Variants in PZP observed in about 807,000 individuals in gnomAD.
PZP encodes the protein PZP alpha-2-macroglobulin like, also known as pregnancy zone protein.
In PZP, 150 loss-of-function variants were observed where a neutral mutation model predicts 179.8. The observed-to-expected ratio is 0.83, with a 90% CI of 0.73 to 0.96. PZP has a LOEUF of 0.96. PZP is among the 40% of genes least tolerant of loss of function. The probability of loss-of-function intolerance (pLI) is 0.00; values close to 1 mark genes in which losing one functional copy is unlikely to be tolerated. For synonymous variants in PZP, 624 were observed against 652.3 expected, an observed-to-expected ratio of 0.96 and a Z score of 0.66; for missense variants, 1,689 against 1,764.0, an observed-to-expected ratio of 0.96 and a Z score of 0.76.
chr12:9,169,188 A>G (rs1040683679), intron 16 of PZP, among the ~76,000 whole-genome samples: 4 of 151,790 alleles, frequency 2.6e-5, no homozygotes, highest in Non-Finnish European at 4.4e-5. Flanking sequence ...AAATAAAAAA[A>G]CCTAAATATA....
At chr12:9,194,655 G>T (rs1314860149) in intron 10 of PZP, among the ~76,000 whole-genome samples, 1 of 151,838 alleles carries the variant, frequency 6.6e-6, no homozygotes, top group Non-Finnish European at 1.5e-5. Context: ...TAGTAGAGAC[G>T]GGGTTTCACC....
chr12:9,152,967 G>A lies in PZP; in HGVS notation c.3994-16C>T. The A allele has an allele frequency of 3.1e-6, 5 of 1,613,980 alleles. No homozygotes were observed. In the South Asian group the frequency reaches 5.5e-5, roughly 18 times the overall value. On this transcript the variant is annotated splice_polypyrimidine_tract_variant and intron_variant, in intron 30 of 35. Transcript: ENST00000261336. ...TCATGGATGTCTGTGAAACAGCAAA[G>A]ACACTATCAGTTTCTCTCTTTTTCT...
chr12:9,158,757 C>CTTTTTTTTTTTT (rs60888135), intron 25 of PZP, among the ~76,000 whole-genome samples, 181 bp from the exon 26 acceptor site: 1 of 125,434 alleles, frequency 8.0e-6, no homozygotes, highest in Admixed American at 8.7e-5. Flanking sequence ...CTTTTCTTTT[C>CTTTTTTTTTTTT]TTTTTTTTTT....
At chr12:9,163,609 A>C in intron 21 of PZP, 59 bp downstream of exon 21, 1 of 1,583,692 alleles carries the variant, frequency 6.3e-7, no homozygotes, top group Non-Finnish European at 8.6e-7. Flanking sequence ...TGTTGTCTCA[A>C]GAGTGACCGC....
At chr12:9,200,755 C>T (rs996952303) in intron 6 of PZP, 137 bp downstream of exon 6, 3 of 918,384 alleles carry the variant, frequency 3.3e-6, no homozygotes, top group African/African-American at 3.3e-5. Flanking sequence ...GTGTTCACAC[C>T]GTCCTAATGG....
At chr12:9,182,424 A>T (rs998778736) in intron 13 of PZP, among the ~76,000 whole-genome samples, 1 of 151,858 alleles carries the variant, frequency 6.6e-6, no homozygotes, top group African/African-American at 2.4e-5. Context: ...TTCTGCATAT[A>T]TATGTGACAA....
chr12:9,175,642 C>A (rs1315451797), intron 15 of PZP, among the ~76,000 whole-genome samples: 1 of 152,010 alleles, frequency 6.6e-6, no homozygotes, highest in Non-Finnish European at 1.5e-5. Flanking sequence ...AAAAAGTGGG[C>A]AAAGGACATG....
At chr12:9,158,692 T>A in intron 25 of PZP, 116 bp from the exon 26 acceptor site, 1 of 975,880 alleles carries the variant, frequency 1.0e-6, no homozygotes, top group Non-Finnish European at 1.4e-6. Context: ...AATCAGCTGT[T>A]ACTGAGAGTT....
chr12:9,164,410 T>C (rs1941439570), intron 19 of PZP, 151 bp from the exon 20 acceptor site: 2 of 835,760 alleles, frequency 2.4e-6, no homozygotes, highest in African/African-American at 1.7e-5. Context: ...TTAAGAAGCA[T>C]GGCAATGGCA....
At chr12:9,137,105 G>T in the PZP span, among the ~76,000 whole-genome samples, 14 of 152,080 alleles carry the variant, frequency 9.2e-5, no homozygotes, top group Admixed American at 8.5e-4. Context: ...TCATTGCCAA[G>T]ACCAAGATCA....
At chr12:9,171,703 A>G (rs1331584277) in intron 15 of PZP, among the ~76,000 whole-genome samples, 4 of 152,254 alleles carry the variant, frequency 2.6e-5, no homozygotes, top group African/African-American at 9.6e-5. Flanking sequence ...AATCACAAGT[A>G]TCAGTAGCAG....
chr12:9,202,047 T>C lies in PZP; in HGVS notation c.480+272A>G, dbSNP rs182877097. Among the ~76,000 whole-genome samples, 7 of 152,326 alleles carry C rather than the reference T, an allele frequency of 4.6e-5. No individual in the cohort carries two copies. In the East Asian group the frequency reaches 1.3e-3, roughly 29 times the overall value. ...ATGAATAGGAATAGTGCCTTTTTTCTATGCTTCTTTAATATTCTTAATGCA... is the reference window on the plus strand; with the variant it reads ...ATGAATAGGAATAGTGCCTTTTTTCCATGCTTCTTTAATATTCTTAATGCA... On this transcript the variant is annotated intron_variant, in intron 4 of 35. Coordinates refer to ENST00000261336, the MANE Select transcript of PZP (RefSeq NM_002864.3).
intron 5 of PZP, 61 bp downstream of exon 5, chr12:9,201,266 C>A: frequency 7.0e-7 from 1 of 1,418,950 alleles, no homozygotes; most frequent in Admixed American, 1.9e-5. Flanking sequence ...AGAGTATTAT[C>A]AGAACCTCCT....
intron 24 of PZP, 100 bp from the exon 25 acceptor site, chr12:9,160,125 CCTT>C (rs1418554312): frequency 2.4e-6 from 3 of 1,241,618 alleles, no homozygotes; most frequent in Non-Finnish European, 3.5e-6. Context: ...CATTTTATGA[CCTT>C]CTGTGATCTG....
Position 9,153,132 on chromosome 12 carries a change from T to TAC in PZP, c.3984_3985dup (p.Tyr1329CysfsTer7). 1 of 1,614,034 alleles carries TAC rather than the reference T, an allele frequency of 6.2e-7. No individual in the cohort carries two copies. The highest frequency in any genetic ancestry group is 8.5e-7 in the Non-Finnish European group (1 of 1,179,888). ...ATAAGCTTGGAGCCCTACCTGAAGATACACACATCTTTCCCCAGTTACTGT... is the reference window on the plus strand; with the variant it reads ...ATAAGCTTGGAGCCCTACCTGAAGATACACACACATCTTTCCCCAGTTACTGT... On this transcript the variant is annotated frameshift_variant, in exon 30 of 36. Coordinates refer to ENST00000261336, the MANE Select transcript of PZP (RefSeq NM_002864.3). LOFTEE classifies it high-confidence loss of function.
rs1006534438 is a variant in PZP, at chr12:9,165,272, C to A, written c.2354G>T (p.Gly785Val). The A allele has an allele frequency of 2.5e-6, 4 of 1,614,152 alleles. No homozygotes were observed. The highest frequency in any genetic ancestry group is 3.4e-6 in the Non-Finnish European group (4 of 1,180,012). Residue 785 changes from glycine (G) to valine (V), a missense_variant, in exon 19 of 36, where the codon GGT becomes GTT. Physicochemically the swap from Gly to Val is moderately radical, Grantham distance 109. Around this residue, in one of 3 missense-constraint regions of PZP, gnomAD observed 201 missense variants for 284.2 expected, o/e 0.71. Coordinates refer to ENST00000261336, the MANE Select transcript of PZP (RefSeq NM_002864.3). ...TCGGAGAGAGGCAGTGGAAGAGATA[C>A]CAAGTCCAGCATCTTCGGACAGGCA... ...AFCLSEDAGLGISSTASLRAF... is the reference protein window; with the variant it reads ...AFCLSEDAGLVISSTASLRAF...
intron 2 of PZP, 85 bp downstream of exon 2, chr12:9,203,683 G>C (rs768734709): frequency 5.4e-6 from 8 of 1,474,790 alleles, no homozygotes; most frequent in Non-Finnish European, 6.5e-6. Flanking sequence ...CCTTGGGATC[G>C]CACACCAGAG....
At position 9,157,239 on chromosome 12, in the gene PZP, T is replaced by G; in HGVS notation, c.3486A>C (p.Leu1162=). Reference sequence around the variant, plus strand: ...CTCTATTCTGATTTTGCTTTCCCAGTAGGGAAAAAGCATAGGCCAGCAATG... The same window carrying G: ...CTCTATTCTGATTTTGCTTTCCCAGGAGGGAAAAAGCATAGGCCAGCAATG... ...TKALLAYAFS[L]LGKQNQNREI... is the part of the protein sequence containing the mutation. The change falls in exon 28 of 36, where the codon CTA becomes CTC. Residue 1162 remains leucine, a synonymous_variant. Coordinates refer to ENST00000261336, the MANE Select transcript of PZP (RefSeq NM_002864.3). 1 of 1,614,040 alleles carries G rather than the reference T, an allele frequency of 6.2e-7. No homozygotes were observed. The highest frequency in any genetic ancestry group is 1.3e-5 in the African/African-American group (1 of 75,006).
At position 9,197,001 on chromosome 12, in the gene PZP, C is replaced by T. The variant is rs373136258; in HGVS notation, c.867+11G>A. On this transcript the variant is annotated intron_variant, in intron 8 of 35. Transcript: ENST00000261336. Reference sequence around the variant, plus strand: ...CAGTGATAGCACTGAGGGAGAATACCGCCTACTAACCTGTTGACTGAATTC... The same window carrying T: ...CAGTGATAGCACTGAGGGAGAATACTGCCTACTAACCTGTTGACTGAATTC... The T allele has an allele frequency of 3.6e-5, 56 of 1,559,146 alleles. No individual in the cohort carries two copies. The East Asian group carries it at 3.8e-4, about 11-fold the overall frequency.
Sources: allele counts gnomAD v4.1 joint callset (sites outside exome capture counted in the v4.1 genomes callset), GRCh38; gene constraint gnomAD v4.1.1; regional missense constraint gnomAD v4.1.1; transcripts MANE v1.5; gene names NCBI Gene and HGNC (gene_info 2026-07-23, HGNC 2026-07-21).